Variants in GABRG1 observed in about 807,000 individuals in gnomAD.
GABRG1 encodes gamma-aminobutyric acid type A receptor subunit gamma1, also known as gamma-aminobutyric acid receptor subunit gamma-1.
A neutral mutation model predicts 49.8 loss-of-function variants in GABRG1; 49 were observed. That is an observed-to-expected ratio of 0.98 (90% CI 0.78 to 1.25). The LOEUF (loss-of-function observed/expected upper bound fraction) is 1.25. GABRG1 is among the 50% of genes most tolerant of loss of function. The pLI is 0.00. For synonymous variants in GABRG1, 232 were observed against 185.1 expected, an observed-to-expected ratio of 1.25 and a Z score of -2.06; for missense variants, 552 against 552.3, an observed-to-expected ratio of 1.00 and a Z score of 0.01.
At chr4:46,048,050 G>C (rs1718070284) in intron 8 of GABRG1, among the ~76,000 whole-genome samples, 1 of 151,984 alleles carries the variant, frequency 6.6e-6, no homozygotes. Flanking sequence ...ATGGTTTTCT[G>C]AAATTTCTGC....
chr4:46,087,802 C>T (rs1486868147), intron 2 of GABRG1, among the ~76,000 whole-genome samples: 1 of 151,786 alleles, frequency 6.6e-6, no homozygotes, highest in Non-Finnish European at 1.5e-5. Flanking sequence ...TCTTGTGAGA[C>T]CTTAATTAAC....
At chr4:46,061,845 T>C (rs1160405246) in intron 5 of GABRG1, among the ~76,000 whole-genome samples, 1 of 150,374 alleles carries the variant, frequency 6.7e-6, no homozygotes, top group Non-Finnish European at 1.5e-5. Flanking sequence ...TTTTCTTTTG[T>C]TTTTATGTGG....
chr4:46,116,809 G>A (rs1248987899), intron 1 of GABRG1, among the ~76,000 whole-genome samples: 2 of 150,734 alleles, frequency 1.3e-5, no homozygotes, highest in African/African-American at 4.8e-5. Flanking sequence ...CACCTGCAGA[G>A]GGTAACAAAT....
At chr4:46,072,832 G>T (rs1055805084) in intron 3 of GABRG1, among the ~76,000 whole-genome samples, 3 of 149,272 alleles carry the variant, frequency 2.0e-5, no homozygotes, top group African/African-American at 7.7e-5. Context: ...TATAATAGAA[G>T]TGTGTTTACC....
chr4:46,114,818 T>C (rs1352469760), intron 1 of GABRG1, among the ~76,000 whole-genome samples: 2 of 150,868 alleles, frequency 1.3e-5, no homozygotes, highest in African/African-American at 4.8e-5. Context: ...CTGATACCAA[T>C]ACAAATTCAT....
Position 46,041,122 on chromosome 4 carries a change from A to C in GABRG1, c.1264T>G (p.Cys422Gly). ...CASFFCCFED[C>G]RTGSWREGRI... ...CCTTCCCTCCAAGATCCTGTTCTGC[A>C]GTCTTCAAAGCAACAGAAGAAGCTG... Residue 422 changes from cysteine to glycine, a missense_variant, in exon 9 of 9, where the codon TGC becomes GGC. Coordinates refer to ENST00000295452, the MANE Select transcript of GABRG1 (RefSeq NM_173536.4). The C allele has an allele frequency of 6.2e-7, 1 of 1,613,272 alleles. No homozygotes were observed. Among genetic ancestry groups the C allele is most frequent in the Non-Finnish European group, 8.5e-7 (1 of 1,179,454 alleles).
chr4:46,050,206 G>T (rs758803149), intron 8 of GABRG1, among the ~76,000 whole-genome samples: 10 of 151,896 alleles, frequency 6.6e-5, no homozygotes, highest in Non-Finnish European at 1.5e-4. Flanking sequence ...CAAAAATGAC[G>T]TGAAGTTGAC....
intron 8 of GABRG1, among the ~76,000 whole-genome samples, chr4:46,043,392 G>A (rs1199462325): frequency 6.6e-6 from 1 of 151,724 alleles, no homozygotes; most frequent in Non-Finnish European, 1.5e-5. Context: ...CAAAACTCAA[G>A]TTCATGAATT....
chr4:46,073,005 A>G (rs1311231846), intron 3 of GABRG1, among the ~76,000 whole-genome samples: 1 of 151,972 alleles, frequency 6.6e-6, no homozygotes, highest in African/African-American at 2.4e-5. Context: ...AAAAGAGTAA[A>G]GAATTTCATG....
intron 1 of GABRG1, 38 bp downstream of exon 1, chr4:46,123,768 GTAGA>G: frequency 7.2e-7 from 1 of 1,385,956 alleles, no homozygotes; most frequent in Non-Finnish European, 1.0e-6. Context: ...GGGGAAAGGG[GTAGA>G]TAGCAAAGAA....
chr4:46,106,085 G>A (rs530077506), intron 1 of GABRG1, among the ~76,000 whole-genome samples: 11 of 151,568 alleles, frequency 7.3e-5, no homozygotes, highest in Admixed American at 2.0e-4. Flanking sequence ...CAGGCAGGCT[G>A]CTTAAGCAGG....
Position 46,101,476 on chromosome 4 carries a change from A to G in GABRG1, c.105-4127T>C, listed in dbSNP as rs185334643. Among the ~76,000 whole-genome samples, 21 of 151,782 alleles carry G rather than the reference A, an allele frequency of 1.4e-4. No homozygotes were observed. The East Asian group carries it at 1.8e-3, about 13-fold the overall frequency. ...CCAGAGAAGGTAGAATCATAAACTC[A>G]AGGAGTCGCACACTATATGACAAAA... On this transcript the variant is annotated intron_variant, in intron 1 of 8. Coordinates refer to ENST00000295452, the MANE Select transcript of GABRG1 (RefSeq NM_173536.4).
Position 46,104,765 on chromosome 4 carries a change from G to A in GABRG1, c.105-7416C>T, listed in dbSNP as rs370776314. Reference sequence around the variant, plus strand: ...CTATTAGGTGCTTATTGTGTGCTGAGCATCCAGCATTTCTGGATGCTGGGG... The same window carrying A: ...CTATTAGGTGCTTATTGTGTGCTGAACATCCAGCATTTCTGGATGCTGGGG... On this transcript the variant is annotated intron_variant, in intron 1 of 8. Transcript: ENST00000295452. Among the ~76,000 whole-genome samples the A allele has an allele frequency of 2.6e-5, 4 of 151,448 alleles. No homozygotes were observed. The East Asian group carries it at 7.8e-4, about 30-fold the overall frequency.
At chr4:46,123,088 T>C (rs1307037816) in intron 1 of GABRG1, among the ~76,000 whole-genome samples, 1 of 140,058 alleles carries the variant, frequency 7.1e-6, no homozygotes, top group African/African-American at 2.7e-5. Flanking sequence ...TCTCTCTCTG[T>C]CCCATACACA....
intron 1 of GABRG1, among the ~76,000 whole-genome samples, chr4:46,112,453 C>T (rs1294451078): frequency 6.6e-6 from 1 of 151,272 alleles, no homozygotes; most frequent in East Asian, 2.0e-4. Context: ...TAAAACAGAA[C>T]TATCATTCAA....
At chr4:46,044,503 G>A (rs115327671) in intron 8 of GABRG1, among the ~76,000 whole-genome samples, 15 of 151,970 alleles carry the variant, frequency 9.9e-5, no homozygotes, top group African/African-American at 3.6e-4. Flanking sequence ...ACAAATTCCA[G>A]GAGGTGAATC....
chr4:46,105,704 A>G (rs1720509724), intron 1 of GABRG1, among the ~76,000 whole-genome samples: 1 of 151,200 alleles, frequency 6.6e-6, no homozygotes, highest in African/African-American at 2.4e-5. Context: ...CTCCAGACAC[A>G]TAATCCTCCA....
At chr4:46,081,171 T>C (rs1719553886) in intron 3 of GABRG1, among the ~76,000 whole-genome samples, 1 of 151,840 alleles carries the variant, frequency 6.6e-6, no homozygotes, top group Non-Finnish European at 1.5e-5. Flanking sequence ...GGTCTGCTAT[T>C]CATTTCTTTG....
Position 46,041,253 on chromosome 4 carries a change from A to C in GABRG1, c.1133T>G (p.Met378Arg). Residue 378 changes from methionine (M) to arginine (R), a missense_variant and splice_region_variant, in exon 9 of 9, where the codon ATG (methionine) becomes AGG (arginine). By Grantham distance (91) the Met-to-Arg change is moderately conservative. Coordinates refer to ENST00000295452, the MANE Select transcript of GABRG1 (RefSeq NM_173536.4). Reference protein sequence around the residue: ...KDRKLKNKASMTPGLHPGSTL... With the variant: ...KDRKLKNKASRTPGLHPGSTL... ...GGATCCAGGATGGAGACCAGGAGTC[A>C]TCTGAGCACAATAATAAATGAATTT... 6.2e-7 allele frequency: 1 copy of C among 1,611,592 alleles called. No homozygotes were observed. The highest frequency in any genetic ancestry group is 2.2e-5 in the East Asian group (1 of 44,774).
Sources: allele counts gnomAD v4.1 joint callset (sites outside exome capture counted in the v4.1 genomes callset), GRCh38; gene constraint gnomAD v4.1.1; transcripts MANE v1.5; gene names NCBI Gene and HGNC (gene_info 2026-07-23, HGNC 2026-07-21).